BARX2: variants seen among roughly 807,000 people sequenced by gnomAD.
BARX2 encodes the protein BARX homeobox 2, also known as homeobox protein BarH-like 2.
In BARX2, 11 loss-of-function variants were observed where a neutral mutation model predicts 25.5. That is an observed-to-expected ratio of 0.43 (90% CI 0.27 to 0.71). The LOEUF (loss-of-function observed/expected upper bound fraction) is 0.71. Among genes scored for constraint, BARX2 ranks in the 30% least tolerant of loss-of-function variants. BARX2 has a pLI of 0.19. For missense variants in BARX2, 360 were observed against 359.9 expected (o/e 1.00, Z 0.00); for synonymous variants, 137 against 149.5 (o/e 0.92, Z 0.61).
chr11:129,401,926 G>A lies in BARX2; in HGVS notation c.187+25704G>A, dbSNP rs549176381. On this transcript the variant is annotated intron_variant, in intron 1 of 3. Coordinates refer to ENST00000281437, the MANE Select transcript of BARX2 (RefSeq NM_003658.5). Reference sequence around the variant, plus strand: ...AGCCAAGATTGCACCATTGCACTACGGCCTGGGCAACAGAGCAAGACTCTG... The same window carrying A: ...AGCCAAGATTGCACCATTGCACTACAGCCTGGGCAACAGAGCAAGACTCTG... Among the ~76,000 whole-genome samples, 545 of 150,790 alleles carry A rather than the reference G, an allele frequency of 3.6e-3. 6 individuals are homozygous for A. The highest frequency in any genetic ancestry group is 0.011 in the African/African-American group (465 of 40,984).
At chr11:129,441,605 C>T (rs1862259910) in intron 2 of BARX2, among the ~76,000 whole-genome samples, 1 of 151,124 alleles carries the variant, frequency 6.6e-6, no homozygotes, top group Admixed American at 6.6e-5. Context: ...CCTGCCACCA[C>T]ACCCAGTTAA....
At chr11:129,433,339 C>T (rs1387816573) in intron 1 of BARX2, among the ~76,000 whole-genome samples, 1 of 152,184 alleles carries the variant, frequency 6.6e-6, no homozygotes, top group Non-Finnish European at 1.5e-5. Context: ...GTCTACTGGC[C>T]TCCTCACTGG....
chr11:129,387,738 A>T (rs1033509328), intron 1 of BARX2, among the ~76,000 whole-genome samples: 1 of 152,042 alleles, frequency 6.6e-6, no homozygotes, highest in Non-Finnish European at 1.5e-5. Flanking sequence ...CTACTGGGAG[A>T]TTGGGCCTTT....
At chr11:129,415,803 C>A (rs921462929) in intron 1 of BARX2, among the ~76,000 whole-genome samples, 6 of 152,242 alleles carry the variant, frequency 3.9e-5, no homozygotes, top group African/African-American at 1.4e-4. Context: ...AAGGTGCCAA[C>A]ATTCCACTTT....
chr11:129,421,578 G>A (rs766464227), intron 1 of BARX2, among the ~76,000 whole-genome samples: 4 of 152,208 alleles, frequency 2.6e-5, no homozygotes, highest in African/African-American at 7.2e-5. Context: ...AACTGACTGC[G>A]TGAGATGGAA....
chr11:129,438,591 C>T (rs1384443575), intron 2 of BARX2, among the ~76,000 whole-genome samples: 1 of 152,180 alleles, frequency 6.6e-6, no homozygotes, highest in Non-Finnish European at 1.5e-5. Flanking sequence ...GTCTGCATAT[C>T]ACCGACTAAA....
At chr11:129,444,301 AATT>A (rs1265870896) in intron 3 of BARX2, among the ~76,000 whole-genome samples, 4 of 152,190 alleles carry the variant, frequency 2.6e-5, no homozygotes, top group Non-Finnish European at 5.9e-5. Flanking sequence ...AACAAGCAGC[AATT>A]ATTATATTCC....
At position 129,436,507 on chromosome 11, in the gene BARX2, A is replaced by C; in HGVS notation, c.188-244A>C. The C allele has an allele frequency of 2.5e-6, 1 of 407,152 alleles. No homozygotes were observed. The highest frequency in any genetic ancestry group is 4.3e-6 in the Non-Finnish European group (1 of 231,900). The allele number at this position is 407,152 out of a possible 1,614,324, so 25.2% of individuals were successfully genotyped here. ...AGGGGAAAGATCTGCTTAAAACCAG[A>C]GGACTTGCAGGAACCTCTTCTGGGC... is the stretch of plus-strand genomic sequence containing the variant. On this transcript the variant is annotated intron_variant, in intron 1 of 3. Coordinates refer to ENST00000281437, the MANE Select transcript of BARX2 (RefSeq NM_003658.5). The surrounding 1 kb of genome is among the most constrained non-coding windows in gnomAD (Gnocchi z 4.5).
intron 1 of BARX2, among the ~76,000 whole-genome samples, chr11:129,422,707 T>G (rs111237970): frequency 0.018 from 610 of 34,338 alleles, 8 homozygotes; most frequent in African/African-American, 0.066. Flanking sequence ...TTTATTCTCT[T>G]TTTTTTTTTT....
intron 3 of BARX2, among the ~76,000 whole-genome samples, 188 bp from the exon 4 acceptor site, chr11:129,450,948 T>C (rs1055194545): frequency 3.3e-5 from 5 of 152,156 alleles, no homozygotes; most frequent in African/African-American, 9.7e-5. Context: ...CAAAAATGCG[T>C]TGAGCATTTA....
At chr11:129,385,274 G>A (rs896702454) in intron 1 of BARX2, among the ~76,000 whole-genome samples, 10 of 152,130 alleles carry the variant, frequency 6.6e-5, no homozygotes, top group Admixed American at 6.5e-5. Context: ...CATACCCTAG[G>A]GCTCAGCAGT....
Position 129,390,916 on chromosome 11 carries a change from C to T in BARX2, c.187+14694C>T, listed in dbSNP as rs147658679. 1.6e-4 allele frequency among the ~76,000 whole-genome samples: 24 copies of T among 152,274 alleles called. No individual in the cohort carries two copies. Among genetic ancestry groups the T allele is most frequent in the African/African-American group, 4.6e-4 (19 of 41,558 alleles). ...CGCACAGAAAATTGTGTGTACTTGA[C>T]GCACAGGCGGTGTGGAAGCAGGATT... On this transcript the variant is annotated intron_variant, in intron 1 of 3. Coordinates refer to ENST00000281437, the MANE Select transcript of BARX2 (RefSeq NM_003658.5). The surrounding 1 kb of genome is among the most constrained non-coding windows in gnomAD (Gnocchi z 4.3).
Position 129,385,132 on chromosome 11 carries a change from A to G in BARX2, c.187+8910A>G, listed in dbSNP as rs938993206. The stretch of plus-strand genomic sequence containing the variant: ...CATTTCACACTCACTGGGTAGCCCA[A>G]AATGAAAGGACAAAATCGGTTGATG... On this transcript the variant is annotated intron_variant, in intron 1 of 3. Transcript: ENST00000281437. 1.6e-4 allele frequency among the ~76,000 whole-genome samples: 24 copies of G among 152,226 alleles called. 1 individual carries two copies. Among genetic ancestry groups the G allele is most frequent in the Admixed American group, 1.4e-3 (22 of 15,284 alleles).
chr11:129,392,951 T>C (rs1365203263), intron 1 of BARX2, among the ~76,000 whole-genome samples: 3 of 152,068 alleles, frequency 2.0e-5, no homozygotes, highest in Non-Finnish European at 4.4e-5. Context: ...GGAGATACTA[T>C]TATTATTCTC....
chr11:129,384,035 G>A (rs1402047099), intron 1 of BARX2, among the ~76,000 whole-genome samples: 5 of 151,898 alleles, frequency 3.3e-5, no homozygotes, highest in African/African-American at 1.2e-4. Flanking sequence ...CACCATGCCC[G>A]GCTAATTTTT....
At chr11:129,400,674 G>C (rs964869677) in intron 1 of BARX2, among the ~76,000 whole-genome samples, 47 of 152,168 alleles carry the variant, frequency 3.1e-4, no homozygotes, top group Non-Finnish European at 5.4e-4. Context: ...AATTGGATTT[G>C]GGTTTGGGGA....
chr11:129,405,680 A>G (rs1861822331), intron 1 of BARX2, among the ~76,000 whole-genome samples: 1 of 152,240 alleles, frequency 6.6e-6, no homozygotes, highest in African/African-American at 2.4e-5. Flanking sequence ...GGGAGAACAT[A>G]GAAGAAATGA....
intron 2 of BARX2, among the ~76,000 whole-genome samples, chr11:129,441,778 C>T (rs1862263319): frequency 6.6e-6 from 1 of 152,312 alleles, no homozygotes; most frequent in African/African-American, 2.4e-5. Flanking sequence ...TTTACACAAC[C>T]AGGTAGCAGA....
chr11:129,419,100 G>A (rs1408128456), intron 1 of BARX2, among the ~76,000 whole-genome samples: 1 of 152,204 alleles, frequency 6.6e-6, no homozygotes, highest in Non-Finnish European at 1.5e-5. Context: ...GTACATGTGA[G>A]TGCGCCCTGT....
Sources: allele counts gnomAD v4.1 joint callset (sites outside exome capture counted in the v4.1 genomes callset), GRCh38; gene constraint gnomAD v4.1.1; non-coding constraint Gnocchi (gnomAD v3.1); transcripts MANE v1.5; gene names NCBI Gene and HGNC (gene_info 2026-07-23, HGNC 2026-07-21).